Variants in FOXN3 observed in about 807,000 individuals in gnomAD.
The protein encoded by FOXN3 is forkhead box protein N3.
Under a neutral mutation model 38.4 loss-of-function variants are expected in FOXN3, and 7 were observed. That is an observed-to-expected ratio of 0.18 (90% CI 0.10 to 0.34). The LOEUF is 0.34. FOXN3 is among the 10% of genes least tolerant of loss of function. The probability of loss-of-function intolerance (pLI) is 1.00; values close to 1 mark genes in which losing one functional copy is unlikely to be tolerated. For synonymous variants in FOXN3, 230 were observed against 242.2 expected (o/e 0.95, Z 0.47); for missense variants, 456 against 613.4 (o/e 0.74, Z 2.71).
At chr14:89,319,995 G>A (rs1374262184) in intron 3 of FOXN3, among the ~76,000 whole-genome samples, 2 of 152,110 alleles carry the variant, frequency 1.3e-5, no homozygotes, top group East Asian at 1.9e-4. Context: ...TACTAAGACA[G>A]GTAAACATCA....
At chr14:89,547,045 A>G (rs1894901294) in intron 1 of FOXN3, among the ~76,000 whole-genome samples, 1 of 152,046 alleles carries the variant, frequency 6.6e-6, no homozygotes, top group Non-Finnish European at 1.5e-5. Flanking sequence ...GCAGCCTCCC[A>G]AAGTGCTGGG....
chr14:89,430,556 G>A (rs1000630663), intron 1 of FOXN3, among the ~76,000 whole-genome samples: 3 of 152,110 alleles, frequency 2.0e-5, no homozygotes, highest in Non-Finnish European at 4.4e-5. Context: ...ACTACTAAAA[G>A]CATTATGACT....
In FOXN3 at chr14:89,376,728, G is replaced by C. The variant is rs965027272; in HGVS notation, c.544-25920C>G. On this transcript the variant is annotated intron_variant, in intron 2 of 5. Transcript: ENST00000557258. ...GCCTGGCAATTGTTTAAATAAGCTT[G>C]AGCTGCCGGGTGCAGTGGCTCACAC... 5.3e-4 allele frequency among the ~76,000 whole-genome samples: 81 copies of C among 151,904 alleles called. 1 individual carries two copies. Among genetic ancestry groups the C allele is most frequent in the African/African-American group, 1.9e-3 (77 of 41,372 alleles).
At chr14:89,555,882 G>GTGTGTGTGTGTGTGTGTGTGTGT (rs58769284) in intron 1 of FOXN3, among the ~76,000 whole-genome samples, 7 of 104,660 alleles carry the variant, frequency 6.7e-5, no homozygotes, top group Non-Finnish European at 1.2e-4. Flanking sequence ...TGTGTATGTG[G>GTGTGTGTGTGTGTGTGTGTGTGT]GGGTGTATGT....
At chr14:89,166,518 G>A (rs1394110582) in intron 5 of FOXN3, among the ~76,000 whole-genome samples, 1 of 152,130 alleles carries the variant, frequency 6.6e-6, no homozygotes, top group Non-Finnish European at 1.5e-5. Flanking sequence ...TTGTTGAGTG[G>A]GGTGGCCCGG....
At chr14:89,183,249 G>A (rs906907601) in intron 4 of FOXN3, among the ~76,000 whole-genome samples, 15 of 152,128 alleles carry the variant, frequency 9.9e-5, no homozygotes, top group African/African-American at 2.7e-4. Flanking sequence ...TAATATATCC[G>A]TCACTAGGGA....
intron 2 of FOXN3, among the ~76,000 whole-genome samples, chr14:89,363,988 AATAT>A (rs1307024931): frequency 1.2e-4 from 6 of 52,060 alleles, no homozygotes; most frequent in Non-Finnish European, 1.5e-4. Context: ...ATATATATAT[AATAT>A]ATATATATAT....
chr14:89,265,408 C>T (rs1885942404), intron 4 of FOXN3, among the ~76,000 whole-genome samples: 1 of 152,174 alleles, frequency 6.6e-6, no homozygotes, highest in Non-Finnish European at 1.5e-5. Context: ...AGCTTTGAAT[C>T]TAGCATTTCC....
rs116607031 is a variant in FOXN3 at position 89,253,918 on chromosome 14, A to G, written c.745+27032T>C. ...TCATCGGCACATGGTACCTGTCCCA[A>G]TGGCTGTTGCTGGGATCTATGGCCA... is the stretch of plus-strand genomic sequence containing the variant. On this transcript the variant is annotated intron_variant, in intron 4 of 5. Coordinates refer to ENST00000557258, the MANE Select transcript of FOXN3 (RefSeq NM_005197.4). Among the ~76,000 whole-genome samples, 551 of 152,238 alleles carry G rather than the reference A, an allele frequency of 3.6e-3. 2 individuals carry two copies. Among genetic ancestry groups the G allele is most frequent in the African/African-American group, 0.013 (531 of 41,536 alleles).
chr14:89,599,236 C>A (rs1896112115), intron 1 of FOXN3, among the ~76,000 whole-genome samples: 1 of 152,142 alleles, frequency 6.6e-6, no homozygotes, highest in Middle Eastern at 3.2e-3. Context: ...GTACAATTTA[C>A]ACAGCATAAA....
intron 1 of FOXN3, among the ~76,000 whole-genome samples, chr14:89,613,904 G>A (rs1321616296): frequency 2.6e-4 from 39 of 152,140 alleles, no homozygotes; most frequent in Admixed American, 2.6e-3. Context: ...CTCCATACCA[G>A]GCAGAGGTGA....
intron 1 of FOXN3, among the ~76,000 whole-genome samples, chr14:89,459,207 T>C (rs975372204): frequency 6.6e-6 from 1 of 152,112 alleles, no homozygotes; most frequent in Admixed American, 6.5e-5. Flanking sequence ...CCATTTTAAA[T>C]GACCTTATGA....
At chr14:89,327,874 T>C (rs971389741) in intron 3 of FOXN3, among the ~76,000 whole-genome samples, 1 of 152,166 alleles carries the variant, frequency 6.6e-6, no homozygotes, top group African/African-American at 2.4e-5. Context: ...CCCAACCACC[T>C]CATTTTATAA....
At chr14:89,293,237 C>T (rs1284634574) in intron 3 of FOXN3, among the ~76,000 whole-genome samples, 1 of 152,240 alleles carries the variant, frequency 6.6e-6, no homozygotes, top group Non-Finnish European at 1.5e-5. Flanking sequence ...AACCAGAAGG[C>T]AGCTTCCCCC....
intron 1 of FOXN3, among the ~76,000 whole-genome samples, chr14:89,447,974 C>A (rs1892541881): frequency 6.6e-6 from 1 of 151,878 alleles, no homozygotes; most frequent in East Asian, 1.9e-4. Context: ...CCAACACGCC[C>A]AGCTAATTTT....
In FOXN3 at chr14:89,276,103, C is replaced by T. The variant is rs574041671; in HGVS notation, c.745+4847G>A. Among the ~76,000 whole-genome samples the T allele has an allele frequency of 4.7e-4, 72 of 152,232 alleles. 1 individual carries two copies. Among genetic ancestry groups the T allele is most frequent in the South Asian group, 3.3e-3 (16 of 4,822 alleles). On this transcript the variant is annotated intron_variant, in intron 4 of 5. Coordinates refer to ENST00000557258, the MANE Select transcript of FOXN3 (RefSeq NM_005197.4). ...ACCAGCCTGGCCAACACAGCAAATC[C>T]CCATCTCTACTAAAAATACGTAAAA... is the stretch of plus-strand genomic sequence containing the variant.
In FOXN3 at chr14:89,246,542, C is replaced by CTTTTTTTTTTTTTT. The variant is rs755916666; in HGVS notation, c.745+34394_745+34407dup. ...TTCTCATCTTATTTGCAGGATGCGG[C>CTTTTTTTTTTTTTT]TTTTTTTTTTTTTTTTTTGAGACAG... On this transcript the variant is annotated intron_variant, in intron 4 of 5. Coordinates refer to ENST00000557258, the MANE Select transcript of FOXN3 (RefSeq NM_005197.4). Among the ~76,000 whole-genome samples, 12 of 84,000 alleles carry CTTTTTTTTTTTTTT rather than the reference C, an allele frequency of 1.4e-4. 1 individual carries two copies. The highest frequency in any genetic ancestry group is 3.8e-4 in the African/African-American group (8 of 20,990). The allele number at this position is 84,000 out of a possible 152,430, so 55.1% of individuals were successfully genotyped here. A position where few individuals can be genotyped will look rare whatever the true frequency, so the allele number is the denominator to read the frequency against.
At chr14:89,301,486 G>A (rs966917164) in intron 3 of FOXN3, among the ~76,000 whole-genome samples, 2 of 151,346 alleles carry the variant, frequency 1.3e-5, no homozygotes, top group African/African-American at 4.9e-5. Context: ...AAAAAAAAAT[G>A]TGGTGGGGCT....
At chr14:89,271,687 T>C (rs1886154579) in intron 4 of FOXN3, among the ~76,000 whole-genome samples, 1 of 152,358 alleles carries the variant, frequency 6.6e-6, no homozygotes, top group African/African-American at 2.4e-5. Flanking sequence ...TTAAAAATCA[T>C]AAAGTGAACT....
Sources: gnomAD v4.1 joint callset for allele counts (sites outside exome capture counted in the v4.1 genomes callset) on GRCh38, gnomAD v4.1.1 for gene constraint, MANE v1.5 for transcripts, NCBI Gene and HGNC (gene_info 2026-07-23, HGNC 2026-07-21) for gene names.